Variants in ZFHX3 observed in about 807,000 individuals in gnomAD.
The protein encoded by ZFHX3 is zinc finger homeobox 3, also known as zinc finger homeobox protein 3.
A neutral mutation model predicts 279.1 loss-of-function variants in ZFHX3; 42 were observed. The observed-to-expected ratio is 0.15, with a 90% CI of 0.12 to 0.19. The LOEUF (loss-of-function observed/expected upper bound fraction) is 0.19, where lower values mean the gene tolerates loss of function less well. Among genes scored for constraint, ZFHX3 ranks in the 10% least tolerant of loss-of-function variants. The probability of loss-of-function intolerance (pLI) is 1.00; values close to 1 mark genes in which losing one functional copy is unlikely to be tolerated. For missense variants in ZFHX3, 4,981 were observed against 4,754.0 expected, an observed-to-expected ratio of 1.05 and a Z score of -1.40; for synonymous variants, 2,293 against 1,957.8, an observed-to-expected ratio of 1.17 and a Z score of -4.52.
intron 3 of ZFHX3, among the ~76,000 whole-genome samples, chr16:73,346,380 C>T (rs531394581): frequency 6.6e-6 from 1 of 152,320 alleles, no homozygotes; most frequent in Admixed American, 6.5e-5. Context: ...GGGCAGGCAG[C>T]ATCTCCCCAC....
At chr16:72,966,564 C>G (rs1220262568) in intron 1 of ZFHX3, among the ~76,000 whole-genome samples, 2 of 151,876 alleles carry the variant, frequency 1.3e-5, no homozygotes, top group Non-Finnish European at 3.0e-5. Context: ...ATCACTTTCT[C>G]TGTCTGCGTG....
intron 8 of ZFHX3, among the ~76,000 whole-genome samples, chr16:73,077,593 G>A (rs1029231440): frequency 6.6e-6 from 1 of 151,552 alleles, no homozygotes; most frequent in Non-Finnish European, 1.5e-5. Flanking sequence ...TTTAAGAAAC[G>A]TTTAAGAGTT....
At chr16:72,949,267 G>A (rs376309348) in intron 3 of ZFHX3, among the ~76,000 whole-genome samples, 44 of 152,324 alleles carry the variant, frequency 2.9e-4, no homozygotes, top group Non-Finnish European at 6.2e-4. Flanking sequence ...GGGGCCAGCA[G>A]AAACCAAACA....
intron 3 of ZFHX3, among the ~76,000 whole-genome samples, chr16:73,425,010 C>T (rs538581963): frequency 2.0e-5 from 3 of 152,276 alleles, no homozygotes; most frequent in East Asian, 3.9e-4. Flanking sequence ...AGCGGGAGTG[C>T]GTCTTGCCTG....
At chr16:73,447,434 G>C (rs2018206938) in intron 3 of ZFHX3, among the ~76,000 whole-genome samples, 1 of 152,116 alleles carries the variant, frequency 6.6e-6, no homozygotes, top group Non-Finnish European at 1.5e-5. Flanking sequence ...AAAATACTTA[G>C]AATGTTCCCT....
At chr16:73,563,263 A>T (rs184578736) in intron 2 of ZFHX3, among the ~76,000 whole-genome samples, 120 of 120,872 alleles carry the variant, frequency 9.9e-4, no homozygotes, top group Non-Finnish European at 5.0e-4. Flanking sequence ...TTTGAGAGGG[A>T]GTCTCACTCT....
At chr16:73,753,262 C>T (rs1226071428) in intron 1 of ZFHX3, among the ~76,000 whole-genome samples, 1 of 152,084 alleles carries the variant, frequency 6.6e-6, no homozygotes, top group African/African-American at 2.4e-5. Context: ...GGATCTGGCC[C>T]AGACAGGATA....
chr16:73,184,422 G>A (rs1967868922), intron 5 of ZFHX3, among the ~76,000 whole-genome samples: 1 of 152,218 alleles, frequency 6.6e-6, no homozygotes, highest in Admixed American at 6.5e-5. Flanking sequence ...AAAATAGTGA[G>A]GTGAGGATGA....
chr16:73,066,752 C>T (rs1274785802), intron 8 of ZFHX3, among the ~76,000 whole-genome samples: 2 of 152,230 alleles, frequency 1.3e-5, no homozygotes, highest in African/African-American at 2.4e-5. Context: ...GCCGCCCAGG[C>T]CCCGTGCCTG....
chr16:73,663,755 T>G (rs1179654000), intron 2 of ZFHX3, among the ~76,000 whole-genome samples: 1 of 127,556 alleles, frequency 7.8e-6, no homozygotes, highest in Admixed American at 9.1e-5. Context: ...AAAACTGTCA[T>G]AGTAGATATT....
At chr16:73,464,094 G>A (rs2018519422) in intron 2 of ZFHX3, among the ~76,000 whole-genome samples, 5 of 151,932 alleles carry the variant, frequency 3.3e-5, no homozygotes, top group Admixed American at 3.3e-4. Flanking sequence ...TCTCCTAAGT[G>A]CCTTTGCTTA....
chr16:73,722,222 G>A (rs558013030), intron 1 of ZFHX3, among the ~76,000 whole-genome samples: 14 of 152,302 alleles, frequency 9.2e-5, no homozygotes, highest in African/African-American at 3.4e-4. Flanking sequence ...TGGACAATAA[G>A]TAGGCACTTC....
At chr16:73,244,628 T>C (rs1272618123) in intron 5 of ZFHX3, among the ~76,000 whole-genome samples, 1 of 152,200 alleles carries the variant, frequency 6.6e-6, no homozygotes, top group Non-Finnish European at 1.5e-5. Context: ...CCTGTGCTCA[T>C]GGCCATACCA....
chr16:73,682,924 GAGAA>G (rs764517017), intron 1 of ZFHX3, among the ~76,000 whole-genome samples: 510 of 43,432 alleles, frequency 0.012, 11 homozygotes, highest in South Asian at 0.028. Flanking sequence ...AAGAGAGAAA[GAGAA>G]AGAAAGAAAG....
chr16:73,627,477 C>T (rs1376394045), intron 2 of ZFHX3, among the ~76,000 whole-genome samples: 1 of 152,224 alleles, frequency 6.6e-6, no homozygotes, highest in Non-Finnish European at 1.5e-5. Flanking sequence ...ACTGACTGAT[C>T]AGCTTGTCAA....
intron 2 of ZFHX3, among the ~76,000 whole-genome samples, chr16:73,619,951 C>A (rs1012187340): frequency 3.3e-5 from 5 of 152,148 alleles, no homozygotes; most frequent in African/African-American, 1.2e-4. Flanking sequence ...ATATCTAGCA[C>A]CCTAGTAGGC....
At chr16:73,210,704 G>A (rs116014755) in intron 5 of ZFHX3, among the ~76,000 whole-genome samples, 1 of 152,112 alleles carries the variant, frequency 6.6e-6, no homozygotes, top group Non-Finnish European at 1.5e-5. Context: ...CTCTGCAGAG[G>A]TGAGCTTATA....
chr16:72,991,555 A>C (rs1168267578), intron 1 of ZFHX3, among the ~76,000 whole-genome samples: 1 of 152,234 alleles, frequency 6.6e-6, no homozygotes, highest in Admixed American at 6.5e-5. Flanking sequence ...TGAGACAGTG[A>C]AGTATTTAGC....
chr16:73,305,546 CAT>C (rs1273343746), intron 4 of ZFHX3, among the ~76,000 whole-genome samples: 1 of 151,906 alleles, frequency 6.6e-6, no homozygotes, highest in East Asian at 1.9e-4. Flanking sequence ...CACTAACTCA[CAT>C]GTCTTTGCTG....
Sources: gnomAD v4.1 joint callset for allele counts (sites outside exome capture counted in the v4.1 genomes callset) on GRCh38, gnomAD v4.1.1 for gene constraint, MANE v1.5 for transcripts, NCBI Gene and HGNC (gene_info 2026-07-23, HGNC 2026-07-21) for gene names.